The following SLC22A23 variants were observed in gnomAD, a reference collection of about 807,000 sequenced individuals.
SLC22A23 encodes ion transporter protein.
A neutral mutation model predicts 61.0 loss-of-function variants in SLC22A23; 26 were observed. The observed-to-expected ratio is 0.43, with a 90% confidence interval of 0.31 to 0.59. The LOEUF (loss-of-function observed/expected upper bound fraction) is 0.59. Among genes scored for constraint, SLC22A23 ranks in the 20% least tolerant of loss-of-function variants. The probability of loss-of-function intolerance (pLI) is 0.11; values close to 1 mark genes in which losing one functional copy is unlikely to be tolerated. For synonymous variants in SLC22A23, 430 were observed against 413.9 expected, an observed-to-expected ratio of 1.04 and a Z score of -0.47; for missense variants, 796 against 934.7, an observed-to-expected ratio of 0.85 and a Z score of 1.94.
intron 9 of SLC22A23, among the ~76,000 whole-genome samples, chr6:3,280,553 T>C (rs1181594870): frequency 2.1e-5 from 3 of 143,394 alleles, no homozygotes; most frequent in African/African-American, 8.0e-5. Flanking sequence ...TGGAGTGCAG[T>C]GGCGCGATCT....
At chr6:3,291,681 A>G (rs4329154) in intron 5 of SLC22A23, 29,156 of 152,208 alleles carry the variant, frequency 0.19, 3,470 homozygotes, top group East Asian at 0.43. Flanking sequence ...AACTAATTTT[A>G]TAAAGAGCTT....
At chr6:3,312,553 C>A (rs1333964925) in intron 4 of SLC22A23, 1 of 152,176 alleles carries the variant, frequency 6.6e-6, no homozygotes, top group Non-Finnish European at 1.5e-5. Context: ...AGTCGCGACA[C>A]CTTAGCCAAT....
At chr6:3,345,447 C>T (rs1764379330) in intron 3 of SLC22A23, among the ~76,000 whole-genome samples, 1 of 149,912 alleles carries the variant, frequency 6.7e-6, no homozygotes, top group African/African-American at 2.5e-5. Flanking sequence ...CTCACTGCAG[C>T]CTCCGCCTCC....
In SLC22A23 at chr6:3,438,600, T is replaced by C. The variant is rs181409983; in HGVS notation, c.654+17306A>G. On this transcript the variant is annotated intron_variant, in intron 1 of 9. Transcript: ENST00000406686. ...GGAATTAATTATGGAAAAGGCTAGT[T>C]TGAATTAGAGACATTTTGAAAATAA... 82 of 441,194 alleles carry C rather than the reference T, an allele frequency of 1.9e-4. No individual in the cohort carries two copies. The East Asian group carries it at 5.3e-3, about 29-fold the overall frequency. The allele number at this position is 441,194 out of a possible 1,614,324, so 27.3% of individuals were successfully genotyped here.
At chr6:3,316,964 C>T (rs1399210499) in intron 4 of SLC22A23, among the ~76,000 whole-genome samples, 1 of 152,118 alleles carries the variant, frequency 6.6e-6, no homozygotes, top group African/African-American at 2.4e-5. Context: ...CTTAATTTAC[C>T]TGATGAGGAA....
chr6:3,287,856 G>T (rs1023299319), intron 6 of SLC22A23, among the ~76,000 whole-genome samples: 1 of 152,030 alleles, frequency 6.6e-6, no homozygotes, highest in Non-Finnish European at 1.5e-5. Context: ...GCTAATTTTT[G>T]TATTTTTTGG....
intron 3 of SLC22A23, among the ~76,000 whole-genome samples, chr6:3,385,113 G>C (rs1767206206): frequency 1.3e-5 from 2 of 152,200 alleles, no homozygotes; most frequent in Non-Finnish European, 2.9e-5. Context: ...GTTGTTAAAT[G>C]GGTGCACTTT....
At chr6:3,339,937 A>C (rs558198467) in intron 3 of SLC22A23, among the ~76,000 whole-genome samples, 1 of 152,210 alleles carries the variant, frequency 6.6e-6, no homozygotes, top group Non-Finnish European at 1.5e-5. Flanking sequence ...GAGATCCAGG[A>C]ATCCTCTCTT....
intron 3 of SLC22A23, among the ~76,000 whole-genome samples, chr6:3,325,746 T>C (rs1336840444): frequency 2.0e-5 from 3 of 152,220 alleles, no homozygotes; most frequent in African/African-American, 7.2e-5. Flanking sequence ...AGCAGTAAAT[T>C]GGCTGCTATG....
rs1758306034 is a variant in SLC22A23 at position 3,269,072 on chromosome 6, A to G, written c.*3983T>C. On this transcript the variant is annotated 3_prime_UTR_variant, in exon 10 of 10. Coordinates refer to ENST00000406686, the MANE Select transcript of SLC22A23 (RefSeq NM_015482.2). ...TACCAGTCTTTCCTCACAGAATCAC[A>G]GTGTAAGATATTCATTTCTTGACGT... 6.6e-6 allele frequency: 1 copy of G among 152,358 alleles called. No individual in the cohort carries two copies. The highest frequency in any genetic ancestry group is 1.9e-4 in the East Asian group (1 of 5,342). 9.4% of individuals were successfully genotyped at this position (152,358 alleles called of 1,614,324 possible).
At chr6:3,446,545 G>C (rs1401289222) in intron 1 of SLC22A23, among the ~76,000 whole-genome samples, 4 of 152,136 alleles carry the variant, frequency 2.6e-5, no homozygotes, top group Non-Finnish European at 5.9e-5. Context: ...GGCAGAACAC[G>C]CCAAAGGCCC....
At chr6:3,368,724 G>T (rs893646155) in intron 3 of SLC22A23, among the ~76,000 whole-genome samples, 2 of 152,146 alleles carry the variant, frequency 1.3e-5, no homozygotes, top group Non-Finnish European at 2.9e-5. Context: ...AAAGGGATGG[G>T]GGTGGGCAAG....
At chr6:3,391,100 G>A (rs560544463) in intron 3 of SLC22A23, among the ~76,000 whole-genome samples, 3 of 152,298 alleles carry the variant, frequency 2.0e-5, no homozygotes, top group Admixed American at 1.3e-4. Flanking sequence ...GCAATGACTC[G>A]GGGGAATCAA....
intron 3 of SLC22A23, among the ~76,000 whole-genome samples, chr6:3,362,481 G>A (rs914758835): frequency 3.8e-4 from 57 of 150,020 alleles, no homozygotes; most frequent in Non-Finnish European, 6.4e-4. Flanking sequence ...CACCCACCAA[G>A]GATACTGTTT....
At chr6:3,455,650 G>A (rs938838835) in intron 1 of SLC22A23, among the ~76,000 whole-genome samples, 2 of 152,258 alleles carry the variant, frequency 1.3e-5, no homozygotes, top group African/African-American at 4.8e-5. Context: ...TCGCCCCGAG[G>A]GTGGGGGAAG....
intron 3 of SLC22A23, among the ~76,000 whole-genome samples, chr6:3,400,898 G>A (rs1768341013): frequency 6.6e-6 from 1 of 152,238 alleles, no homozygotes. Context: ...GGAATATCAT[G>A]TTTCAGGTGA....
In SLC22A23 at chr6:3,304,743, G is replaced by C. The variant is rs1761853165; in HGVS notation, c.1083-6525C>G. 6.6e-6 allele frequency among the ~76,000 whole-genome samples: 1 copy of C among 152,112 alleles called. No individual in the cohort carries two copies. The highest frequency in any genetic ancestry group is 1.9e-4 in the East Asian group (1 of 5,152). ...TGGAAGATGAGCAGCTGCAGGGCAG[G>C]CCCTGTATCCCCTCGTACTGCTGGA... On this transcript the variant is annotated intron_variant, in intron 4 of 9. Transcript: ENST00000406686. This position sits in a 1 kb window ranked among gnomAD's most constrained non-coding sequence, Gnocchi z 4.3.
chr6:3,451,697 G>A (rs1460496950), intron 1 of SLC22A23, among the ~76,000 whole-genome samples: 1 of 152,206 alleles, frequency 6.6e-6, no homozygotes, highest in African/African-American at 2.4e-5. Flanking sequence ...AAAACTTGCT[G>A]TCTATGTCAC....
At chr6:3,422,775 C>T (rs553045856) in intron 1 of SLC22A23, among the ~76,000 whole-genome samples, 40 of 152,184 alleles carry the variant, frequency 2.6e-4, no homozygotes, top group Middle Eastern at 3.4e-3. Context: ...AATTGCTCCT[C>T]ATCTTTCCTT....
Sources: allele counts gnomAD v4.1 joint callset (sites outside exome capture counted in the v4.1 genomes callset), GRCh38; gene constraint gnomAD v4.1.1; non-coding constraint Gnocchi (gnomAD v3.1); transcripts MANE v1.5; gene names NCBI Gene and HGNC (gene_info 2026-07-23, HGNC 2026-07-21).